Variants in PLAGL1 observed in about 807,000 individuals in gnomAD.
PLAGL1 encodes the protein zinc finger protein PLAGL1.
Under a neutral mutation model 4.6 loss-of-function variants are expected in PLAGL1, and 1 was observed. The ratio of observed to expected loss-of-function variants is 0.22; its 90% CI spans 0.08 to 1.03. The LOEUF (loss-of-function observed/expected upper bound fraction) is 1.03, where lower values mean the gene tolerates loss of function less well. Ranked by LOEUF, PLAGL1 falls within the 50% of genes least tolerant of loss-of-function variation. The pLI, the probability that PLAGL1 is intolerant of heterozygous loss-of-function variation, is 0.58. For synonymous variants in PLAGL1, 240 were observed against 237.8 expected, an observed-to-expected ratio of 1.01 and a Z score of -0.08; for missense variants, 464 against 570.4, an observed-to-expected ratio of 0.81 and a Z score of 1.90.
rs547569199 is a variant in PLAGL1, at chr6:143,949,188, G to A, written c.-324-728C>T. On this transcript the variant is annotated intron_variant, in intron 6 of 7. Transcript: ENST00000674357. This position sits in a 1 kb window ranked among gnomAD's most constrained non-coding sequence, Gnocchi z 5.3. The stretch of plus-strand genomic sequence containing the variant: ...TTTCTTCATTCCCTGGCCCTACCCT[G>A]GAGGGCCCATCCAGCTACCTGCTGG... Among the ~76,000 whole-genome samples, 1 of 152,234 alleles carries A rather than the reference G, an allele frequency of 6.6e-6. No individual in the cohort carries two copies. The highest frequency in any genetic ancestry group is 2.1e-4 in the South Asian group (1 of 4,824).
chr6:143,946,511 C>G (rs376611016), intron 7 of PLAGL1, among the ~76,000 whole-genome samples: 1 of 152,158 alleles, frequency 6.6e-6, no homozygotes, highest in Non-Finnish European at 1.5e-5. Flanking sequence ...AGAGGGAGGC[C>G]CATGTATAGA....
At position 143,952,271 on chromosome 6, in the gene PLAGL1, G is replaced by C. The variant is rs1025936074; in HGVS notation, c.-324-3811C>G. On this transcript the variant is annotated intron_variant, in intron 6 of 7. Transcript: ENST00000674357. The surrounding 1 kb of genome is among the most constrained non-coding windows in gnomAD (Gnocchi z 6.1). ...AATTTATGACAACTTTCTATTATCT[G>C]GCAGGCCACCAACGATCCTAACAGA... Among the ~76,000 whole-genome samples the C allele has an allele frequency of 1.3e-5, 2 of 152,162 alleles. No homozygotes were observed. The highest frequency in any genetic ancestry group is 4.8e-5 in the African/African-American group (2 of 41,434).
chr6:144,019,752 T>C (rs904671344), intron 1 of PLAGL1, among the ~76,000 whole-genome samples: 15 of 150,030 alleles, frequency 1.0e-4, no homozygotes, highest in Admixed American at 8.1e-4. Flanking sequence ...CTTCCAGCTT[T>C]TTGTTTTGAA....
intron 1 of PLAGL1, among the ~76,000 whole-genome samples, chr6:144,041,699 C>T (rs1797744001): frequency 6.6e-6 from 1 of 152,058 alleles, no homozygotes; most frequent in African/African-American, 2.4e-5. Flanking sequence ...GGGTATATAC[C>T]CAGTAATGGG....
chr6:144,014,346 CTT>C lies in PLAGL1; in HGVS notation c.-150-45370_-150-45369del, dbSNP rs1381235107. Among the ~76,000 whole-genome samples the C allele has an allele frequency of 5.3e-5, 8 of 152,132 alleles. No homozygotes were observed. In the East Asian group the frequency reaches 1.6e-3, roughly 30 times the overall value. On this transcript the variant is annotated intron_variant, in intron 1 of 3. Coordinates refer to the PLAGL1 transcript ENST00000437412. Reference sequence around the variant, plus strand: ...TCAGGAGGCTAAGGCAGGAGAATTGCTTTAACCTTAAGGTGGAGGTTGCAGTG... The same window carrying C: ...TCAGGAGGCTAAGGCAGGAGAATTGCTAACCTTAAGGTGGAGGTTGCAGTG...
At chr6:144,060,952 T>C (rs972350873) in intron 1 of PLAGL1, among the ~76,000 whole-genome samples, 9 of 152,212 alleles carry the variant, frequency 5.9e-5, no homozygotes, top group African/African-American at 2.2e-4. Context: ...GTTAGAGGGG[T>C]TCCCCCTTCT....
chr6:143,972,862 G>A lies in PLAGL1; in HGVS notation c.-543-3884C>T, dbSNP rs1353736362. ...CTGTGTTTAAAAAAAGAGGGCGGGT[G>A]GAGAATCAACTTCTACTTAACATCA... On this transcript the variant is annotated intron_variant, in intron 2 of 7. Coordinates refer to ENST00000674357, the MANE Select transcript of PLAGL1 (RefSeq NM_001317162.2). This position sits in a 1 kb window ranked among gnomAD's most constrained non-coding sequence, Gnocchi z 6.8. Among the ~76,000 whole-genome samples the A allele has an allele frequency of 6.6e-6, 1 of 152,090 alleles. No individual in the cohort carries two copies. Among genetic ancestry groups the A allele is most frequent in the African/African-American group, 2.4e-5 (1 of 41,394 alleles).
chr6:144,049,537 T>C (rs112258063), intron 1 of PLAGL1, among the ~76,000 whole-genome samples: 13 of 152,278 alleles, frequency 8.5e-5, no homozygotes, highest in African/African-American at 3.1e-4. Flanking sequence ...GGAAGCAAGC[T>C]TGGACCTTCT....
rs1796389565 is a variant in PLAGL1 at position 144,027,040 on chromosome 6, C to T, written c.-151+37428G>A. ...CAGTGTGGGTAAAAAAGTAAGACCCCACCCCCCGACTCTACAAAAACAAAA... is the reference window on the plus strand; with the variant it reads ...CAGTGTGGGTAAAAAAGTAAGACCCTACCCCCCGACTCTACAAAAACAAAA... On this transcript the variant is annotated intron_variant, in intron 1 of 3. Coordinates refer to the PLAGL1 transcript ENST00000437412. The surrounding 1 kb of genome is among the most constrained non-coding windows in gnomAD (Gnocchi z 5.8). Among the ~76,000 whole-genome samples, 2 of 151,682 alleles carry T rather than the reference C, an allele frequency of 1.3e-5. No homozygotes were observed. The highest frequency in any genetic ancestry group is 1.3e-4 in the Admixed American group (2 of 15,202).
Position 143,957,525 on chromosome 6 carries a change from A to G in PLAGL1, c.-325+2944T>C, listed in dbSNP as rs747161435. On this transcript the variant is annotated intron_variant, in intron 6 of 7. Coordinates refer to ENST00000674357, the MANE Select transcript of PLAGL1 (RefSeq NM_001317162.2). This position sits in a 1 kb window ranked among gnomAD's most constrained non-coding sequence, Gnocchi z 4.2. ...GTGATCTCTTTTCCTGGGACTCTTA[A>G]GTGTAGGACATGGAGGAACCAGAAC... Among the ~76,000 whole-genome samples, 1 of 152,194 alleles carries G rather than the reference A, an allele frequency of 6.6e-6. No homozygotes were observed. The highest frequency in any genetic ancestry group is 1.5e-5 in the Non-Finnish European group (1 of 68,032).
chr6:144,053,146 A>T lies in PLAGL1; in HGVS notation c.-151+11322T>A, dbSNP rs1562615397. 1.3e-5 allele frequency among the ~76,000 whole-genome samples: 2 copies of T among 151,884 alleles called. No homozygotes were observed. The highest frequency in any genetic ancestry group is 3.9e-4 in the East Asian group (2 of 5,184). On this transcript the variant is annotated intron_variant, in intron 1 of 3. Coordinates refer to the PLAGL1 transcript ENST00000437412. The surrounding 1 kb of genome is among the most constrained non-coding windows in gnomAD (Gnocchi z 4.0). The stretch of plus-strand genomic sequence containing the variant: ...CATTGCCAAAATCAATCAATCAATC[A>T]TTTTTTTTGAAATGGTCTCACTCTG...
At position 144,001,276 on chromosome 6, in the gene PLAGL1, T is replaced by C. The variant is rs144381961; in HGVS notation, c.-584+6814A>G. ...CAAAGCTGGAACAATTTAAGCAATA[T>C]AAAAATGGTATTAGATAATAGCTCA... On this transcript the variant is annotated intron_variant, in intron 1 of 7. Coordinates refer to ENST00000674357, the MANE Select transcript of PLAGL1 (RefSeq NM_001317162.2). Among the ~76,000 whole-genome samples the C allele has an allele frequency of 2.1e-4, 32 of 152,036 alleles. No homozygotes were observed. The East Asian group carries it at 4.8e-3, about 23-fold the overall frequency.
At chr6:144,037,316 A>C (rs1797311662) in intron 1 of PLAGL1, 2 of 153,558 alleles carry the variant, frequency 1.3e-5, no homozygotes, top group South Asian at 4.1e-4. Flanking sequence ...AGTGGCTCAC[A>C]TCTGTAATCC....
chr6:143,976,392 T>A (rs940188869), intron 2 of PLAGL1, among the ~76,000 whole-genome samples: 2 of 150,716 alleles, frequency 1.3e-5, no homozygotes, highest in African/African-American at 4.9e-5. Context: ...CCTCACCTCC[T>A]TTTAAAAATT....
chr6:144,061,827 C>T lies in PLAGL1; in HGVS notation c.-151+2641G>A, dbSNP rs943226891. 5.3e-5 allele frequency among the ~76,000 whole-genome samples: 8 copies of T among 152,078 alleles called. No individual in the cohort carries two copies. Among genetic ancestry groups the T allele is most frequent in the African/African-American group, 1.4e-4 (6 of 41,410 alleles). ...TTATTCCTTTTTTTAATTCCTCTTA[C>T]GATTTTCCTTTTGTGCACTTCTCCT... On this transcript the variant is annotated intron_variant, in intron 1 of 3. Coordinates refer to the PLAGL1 transcript ENST00000437412. This position sits in a 1 kb window ranked among gnomAD's most constrained non-coding sequence, Gnocchi z 4.4.
intron 1 of PLAGL1, among the ~76,000 whole-genome samples, chr6:144,049,712 T>C (rs1283057621): frequency 2.0e-5 from 3 of 152,186 alleles, no homozygotes; most frequent in African/African-American, 4.8e-5. Flanking sequence ...GTAGGGATTA[T>C]GGGGATTACA....
At position 143,985,982 on chromosome 6, in the gene PLAGL1, T is replaced by TATATATATATATATATATATATATATATA. The variant is rs1554263920; in HGVS notation, c.-583-809_-583-808insTATATATATATATATATATATATATATAT. Among the ~76,000 whole-genome samples the TATATATATATATATATATATATATATATA allele has an allele frequency of 1.8e-5, 2 of 111,582 alleles. No individual in the cohort carries two copies. The highest frequency in any genetic ancestry group is 1.8e-4 in the Admixed American group (2 of 11,024). The allele number at this position is 111,582 out of a possible 152,430, so 73.2% of individuals were successfully genotyped here. A position where few individuals can be genotyped will look rare whatever the true frequency, so the allele number is the denominator to read the frequency against. On this transcript the variant is annotated intron_variant, in intron 1 of 7. Coordinates refer to ENST00000674357, the MANE Select transcript of PLAGL1 (RefSeq NM_001317162.2). This position sits in a 1 kb window ranked among gnomAD's most constrained non-coding sequence, Gnocchi z 4.4. ...TATATCAAATTATATATATATAAAATTATATATATATATATATATATATAT... is the reference window on the plus strand; with the variant it reads ...TATATCAAATTATATATATATAAAATATATATATATATATATATATATATATATATATATATATATATATATATATATAT...
At chr6:144,031,313 G>A (rs1796811475) in intron 1 of PLAGL1, among the ~76,000 whole-genome samples, 1 of 152,166 alleles carries the variant, frequency 6.6e-6, no homozygotes, top group Admixed American at 6.5e-5. Context: ...TGTCAACTCT[G>A]CTAATTGTTT....
rs926052616 is a variant in PLAGL1, at chr6:144,056,904, T to C, written c.-151+7564A>G. Among the ~76,000 whole-genome samples the C allele has an allele frequency of 2.6e-5, 4 of 152,204 alleles. No homozygotes were observed. The highest frequency in any genetic ancestry group is 9.6e-5 in the African/African-American group (4 of 41,456). On this transcript the variant is annotated intron_variant, in intron 1 of 3. Coordinates refer to the PLAGL1 transcript ENST00000437412. The surrounding 1 kb of genome is among the most constrained non-coding windows in gnomAD (Gnocchi z 4.7). Reference sequence around the variant, plus strand: ...TCAAACTCCCAGGCTCAAGCAATCCTCCTGCCTCAGCCTCCCAAAGTGCTG... The same window carrying C: ...TCAAACTCCCAGGCTCAAGCAATCCCCCTGCCTCAGCCTCCCAAAGTGCTG...
Sources: gnomAD v4.1 joint callset for allele counts (sites outside exome capture counted in the v4.1 genomes callset) on GRCh38, gnomAD v4.1.1 for gene constraint, Gnocchi (gnomAD v3.1) non-coding constraint, MANE v1.5 for transcripts, NCBI Gene and HGNC (gene_info 2026-07-23, HGNC 2026-07-21) for gene names.